Variants in STX6 observed in about 807,000 individuals in gnomAD.
STX6 encodes the protein syntaxin-6.
In STX6, 23 loss-of-function variants were observed where a neutral mutation model predicts 38.0. The observed-to-expected ratio is 0.60, with a 90% CI of 0.43 to 0.86. The LOEUF (loss-of-function observed/expected upper bound fraction) is 0.86. Among genes scored for constraint, STX6 ranks in the 40% least tolerant of loss-of-function variants. The pLI is 0.00. For missense variants in STX6, 274 were observed against 312.9 expected (o/e 0.88, Z 0.94); for synonymous variants, 123 against 107.5 (o/e 1.14, Z -0.89).
chr1:181,006,098 T>G (rs1051803849), intron 1 of STX6, among the ~76,000 whole-genome samples: 3 of 152,176 alleles, frequency 2.0e-5, no homozygotes, highest in Non-Finnish European at 4.4e-5. Context: ...AGTCTTACTC[T>G]TTTGCACAGG....
At chr1:181,021,839 G>A (rs1216515784) in intron 1 of STX6, among the ~76,000 whole-genome samples, 1 of 152,174 alleles carries the variant, frequency 6.6e-6, no homozygotes, top group Non-Finnish European at 1.5e-5. Context: ...AAAGGCAGAA[G>A]AAATAGGAGA....
chr1:181,009,470 C>CAAAAAAA (rs34469966), intron 1 of STX6, among the ~76,000 whole-genome samples: 2 of 105,434 alleles, frequency 1.9e-5, no homozygotes, highest in African/African-American at 3.7e-5. Context: ...CTGTTGTTTC[C>CAAAAAAA]AAAAAAAAAA....
chr1:180,990,304 C>T lies in STX6; in HGVS notation c.364-195G>A, dbSNP rs545648571. Among the ~76,000 whole-genome samples the T allele has an allele frequency of 1.6e-4, 24 of 152,286 alleles. No individual in the cohort carries two copies. The South Asian group carries it at 1.9e-3, about 12-fold the overall frequency. On this transcript the variant is annotated intron_variant, in intron 4 of 7. Transcript: ENST00000258301. ...GAATTCCAGGAAGGGCCCTCTATGTCTTTAAGCTCTCCCAATAGGCCTCAC... is the reference window on the plus strand; with the variant it reads ...GAATTCCAGGAAGGGCCCTCTATGTTTTTAAGCTCTCCCAATAGGCCTCAC...
At chr1:180,996,747 A>AT (rs1213854579) in intron 3 of STX6, among the ~76,000 whole-genome samples, 1 of 152,016 alleles carries the variant, frequency 6.6e-6, no homozygotes, top group Non-Finnish European at 1.5e-5. Flanking sequence ...TATTTTTTAA[A>AT]TTTTTGGTAG....
intron 1 of STX6, among the ~76,000 whole-genome samples, chr1:181,009,525 C>T (rs1475958982): frequency 6.8e-6 from 1 of 146,976 alleles, no homozygotes; most frequent in South Asian, 2.1e-4. Flanking sequence ...CAAAGACATA[C>T]ATATGACAAA....
chr1:181,005,139 C>T lies in STX6; in HGVS notation c.205+155G>A, dbSNP rs74961711. ...AATTTGGCTACTGTACCTTAAGTTA[C>T]TGGGCAAATACTTTAAACATGTCAT... On this transcript the variant is annotated intron_variant, in intron 2 of 7. Transcript: ENST00000258301. The T allele has an allele frequency of 6.4e-3, 6,013 of 946,588 alleles. 23 individuals carry two copies. Among genetic ancestry groups the T allele is most frequent in the Middle Eastern group, 0.011 (21 of 1,846 alleles). 58.6% of individuals were successfully genotyped at this position (946,588 alleles called of 1,614,324 possible). A position where few individuals can be genotyped will look rare whatever the true frequency, so the allele number is the denominator to read the frequency against.
chr1:180,981,436 G>T (rs762154892), intron 7 of STX6, among the ~76,000 whole-genome samples: 4 of 152,158 alleles, frequency 2.6e-5, no homozygotes, highest in Admixed American at 2.0e-4. Context: ...GGACAAAAAC[G>T]GAGAAAGTAT....
rs1183875727 is a variant in STX6 at position 181,007,855 on chromosome 1, GTTT to G, written c.36-2395_36-2393del. 3.9e-5 allele frequency among the ~76,000 whole-genome samples: 6 copies of G among 152,228 alleles called. No homozygotes were observed. In the East Asian group the frequency reaches 1.2e-3, roughly 29 times the overall value. On this transcript the variant is annotated intron_variant, in intron 1 of 7. Coordinates refer to ENST00000258301, the MANE Select transcript of STX6 (RefSeq NM_005819.6). ...AAATGTGAGCTTACATGTTAACAAT[GTTT>G]TTATTTTAAAAATTCTAAAACAAAA...
intron 1 of STX6, 100 bp downstream of exon 1, chr1:181,022,539 C>G: frequency 1.6e-6 from 2 of 1,285,878 alleles, no homozygotes; most frequent in African/African-American, 3.0e-5. Context: ...CTCCCCAGCT[C>G]CAACTTGCCT....
Position 180,980,206 on chromosome 1 carries a change from C to CAAAAAAA in STX6, c.692-3567_692-3561dup, listed in dbSNP as rs56336455. On this transcript the variant is annotated intron_variant, in intron 7 of 7. Coordinates refer to ENST00000258301, the MANE Select transcript of STX6 (RefSeq NM_005819.6). ...TAGGTGACAGAGTCAGACTCTGTCT[C>CAAAAAAA]AAAAAAAAAAAAAAAAACACCATGA... Among the ~76,000 whole-genome samples the CAAAAAAA allele has an allele frequency of 1.2e-4, 11 of 88,234 alleles. 1 individual carries two copies. The highest frequency in any genetic ancestry group is 4.2e-4 in the South Asian group (1 of 2,354). The allele number at this position is 88,234 out of a possible 152,430, so 57.9% of individuals were successfully genotyped here.
chr1:181,002,185 A>G (rs571233789), intron 3 of STX6, among the ~76,000 whole-genome samples: 1 of 148,196 alleles, frequency 6.7e-6, no homozygotes, highest in African/African-American at 2.5e-5. Flanking sequence ...AATCACGGAA[A>G]TTTTTTTTTT....
At chr1:181,014,388 C>T (rs1571354201) in intron 1 of STX6, among the ~76,000 whole-genome samples, 1 of 109,922 alleles carries the variant, frequency 9.1e-6, no homozygotes, top group South Asian at 2.7e-4. Flanking sequence ...AGCAAGACTC[C>T]ATCTCAAAAA....
chr1:181,004,588 G>C (rs1656172349), intron 2 of STX6, among the ~76,000 whole-genome samples: 1 of 152,120 alleles, frequency 6.6e-6, no homozygotes. Context: ...ACCTGAAGAG[G>C]GCCTGGAAGT....
chr1:180,983,011 T>C (rs912326660), intron 7 of STX6, among the ~76,000 whole-genome samples: 7 of 152,230 alleles, frequency 4.6e-5, no homozygotes, highest in Middle Eastern at 3.2e-3. Flanking sequence ...CTTGGGGCCA[T>C]TACAATTTTT....
At chr1:181,007,809 TA>T in intron 1 of STX6, among the ~76,000 whole-genome samples, 1 of 152,346 alleles carries the variant, frequency 6.6e-6, no homozygotes, top group Non-Finnish European at 1.5e-5. Context: ...ACAGACATTT[TA>T]AAAATATTTG....
At chr1:180,979,609 A>C (rs1459441722) in intron 7 of STX6, among the ~76,000 whole-genome samples, 5 of 152,266 alleles carry the variant, frequency 3.3e-5, no homozygotes, top group Non-Finnish European at 7.3e-5. Context: ...ACACAGGAGA[A>C]AACCTAGATG....
At chr1:181,020,339 A>C (rs1407012833) in intron 1 of STX6, among the ~76,000 whole-genome samples, 1 of 152,262 alleles carries the variant, frequency 6.6e-6, no homozygotes, top group Non-Finnish European at 1.5e-5. Context: ...ACTTAGTACA[A>C]AAGTAAAATA....
At chr1:180,981,459 C>G (rs558669349) in intron 7 of STX6, among the ~76,000 whole-genome samples, 1 of 152,038 alleles carries the variant, frequency 6.6e-6, no homozygotes, top group African/African-American at 2.4e-5. Flanking sequence ...CTTCTCCAAC[C>G]CCGCCCTCAA....
Position 180,976,180 on chromosome 1 carries a change from G to A in STX6, c.*390C>T, listed in dbSNP as rs1558084584. The stretch of plus-strand genomic sequence containing the variant: ...GACAGCGGTGCACTGTCTGAGCACG[G>A]GGAAGGGTCTGAGCAGAAGAAAAGA... On this transcript the variant is annotated 3_prime_UTR_variant, in exon 8 of 8. Coordinates refer to ENST00000258301, the MANE Select transcript of STX6 (RefSeq NM_005819.6). The A allele has an allele frequency of 4.9e-6, 1 of 204,902 alleles. No homozygotes were observed. The allele number at this position is 204,902 out of a possible 1,614,324, so 12.7% of individuals were successfully genotyped here.
Sources: gnomAD v4.1 joint callset for allele counts (sites outside exome capture counted in the v4.1 genomes callset) on GRCh38, gnomAD v4.1.1 for gene constraint, MANE v1.5 for transcripts, NCBI Gene and HGNC (gene_info 2026-07-23, HGNC 2026-07-21) for gene names.